CDC42BPG: variants seen among roughly 807,000 people sequenced by gnomAD.
CDC42BPG encodes serine/threonine-protein kinase MRCK gamma.
Under a neutral mutation model 192.2 loss-of-function variants are expected in CDC42BPG, and 157 were observed. That is an observed-to-expected ratio of 0.82 (90% confidence interval 0.72 to 0.93). The LOEUF (loss-of-function observed/expected upper bound fraction) is 0.93, where lower values mean the gene tolerates loss of function less well. Among genes scored for constraint, CDC42BPG ranks in the 40% least tolerant of loss-of-function variants. The pLI is 0.00. For synonymous variants in CDC42BPG, 981 were observed against 918.5 expected (o/e 1.07, Z -1.23); for missense variants, 1,992 against 2,122.1 (o/e 0.94, Z 1.20).
intron 30 of CDC42BPG, among the ~76,000 whole-genome samples, chr11:64,828,156 C>T (rs544971267): frequency 1.3e-5 from 2 of 152,226 alleles, no homozygotes; most frequent in East Asian, 3.9e-4. Flanking sequence ...GGGTGATATG[C>T]GGCACCCAAC....
Position 64,837,027 on chromosome 11 carries a change from G to T in CDC42BPG, c.1206-8C>A. The T allele has an allele frequency of 2.5e-6, 4 of 1,608,960 alleles. No individual in the cohort carries two copies. The highest frequency in any genetic ancestry group is 3.4e-6 in the Non-Finnish European group (4 of 1,175,828). On this transcript the variant is annotated splice_region_variant and splice_polypyrimidine_tract_variant and intron_variant, in intron 9 of 36. Coordinates refer to ENST00000342711, the MANE Select transcript of CDC42BPG (RefSeq NM_017525.3). ...CTGCTCTCAGGACTGTGACTGTAGG[G>T]GGACAGGGGCCATGTTTGTTGGTAG...
In CDC42BPG at chr11:64,826,533, G is replaced by A. The variant is rs760002344; in HGVS notation, c.4536C>T (p.Ser1512=). ...GGCAGGACACAGACTCGCTGGACAGGGATGTCCAGGGTTTCCTCTTCACTG... is the reference window on the plus strand; with the variant it reads ...GGCAGGACACAGACTCGCTGGACAGAGATGTCCAGGGTTTCCTCTTCACTG... ...ADPMKRKPWT[S]LSSESVSCPQ... is the part of the protein sequence containing the mutation. The change falls in exon 36 of 37, where the codon TCC becomes TCT. Residue 1512 remains serine, a synonymous_variant. Coordinates refer to ENST00000342711, the MANE Select transcript of CDC42BPG (RefSeq NM_017525.3). 3 of 1,602,950 alleles carry A rather than the reference G, an allele frequency of 1.9e-6. No homozygotes were observed. The highest frequency in any genetic ancestry group is 2.3e-5 in the South Asian group (2 of 88,762).
Position 64,840,358 on chromosome 11 carries a change from G to C in CDC42BPG, c.433-90C>G, listed in dbSNP as rs868167009. 8.6e-6 allele frequency: 13 copies of C among 1,519,068 alleles called. No homozygotes were observed. In the Middle Eastern group the frequency reaches 5.1e-4, roughly 60 times the overall value. The allele number at this position is 1,519,068 out of a possible 1,614,324, so 94.1% of individuals were successfully genotyped here. ...CGCAGGGCTCTGGGAAGGCAGGCCTGCATCTCCCAGCAGCTCTGGGCTGGC... is the reference window on the plus strand; with the variant it reads ...CGCAGGGCTCTGGGAAGGCAGGCCTCCATCTCCCAGCAGCTCTGGGCTGGC... On this transcript the variant is annotated intron_variant, in intron 4 of 36. Transcript: ENST00000342711.
At position 64,836,942 on chromosome 11, in the gene CDC42BPG, T is replaced by TCCAC; in HGVS notation, c.1279_1282dup (p.Glu428GlyfsTer54). On this transcript the variant is annotated frameshift_variant, in exon 10 of 37. Coordinates refer to ENST00000342711, the MANE Select transcript of CDC42BPG (RefSeq NM_017525.3). LOFTEE classifies it high-confidence loss of function. ...AGTACCTTGGTGCTTCCTGCTCAGC[T>TCCAC]CCACCTTCTCCTGCTCCAGACACTG... 1.2e-6 allele frequency: 2 copies of TCCAC among 1,613,310 alleles called. No individual in the cohort carries two copies. Among genetic ancestry groups the TCCAC allele is most frequent in the Non-Finnish European group, 1.7e-6 (2 of 1,179,840 alleles).
chr11:64,827,712 A>T lies in CDC42BPG; in HGVS notation c.4039T>A (p.Trp1347Arg), dbSNP rs1044409492. 2.5e-6 allele frequency: 4 copies of T among 1,613,230 alleles called. No homozygotes were observed. The African/African-American group carries it at 5.3e-5, about 22-fold the overall frequency. Residue 1347 changes from tryptophan to arginine, a missense_variant, in exon 31 of 37, where the codon TGG becomes AGG. Transcript: ENST00000342711. ...IDVFDVRRAE[W>R]VQTVPLKKVR... ...TTCTTGAGCGGCACGGTCTGCACCC[A>T]TTCTGCCCTCCTCACGTCAAACACA... is the stretch of plus-strand genomic sequence containing the variant.
intron 28 of CDC42BPG, among the ~76,000 whole-genome samples, chr11:64,831,016 G>T (rs993798786): frequency 6.6e-6 from 1 of 152,122 alleles, no homozygotes; most frequent in South Asian, 2.1e-4. Flanking sequence ...TCAGGAGTTC[G>T]AGACCAGCCT....
rs1200441682 is a variant in CDC42BPG, at chr11:64,838,891, C to A, written c.888G>T (p.Gln296His). The A allele has an allele frequency of 6.2e-7, 1 of 1,601,616 alleles. No individual in the cohort carries two copies. The highest frequency in any genetic ancestry group is 8.5e-7 in the Non-Finnish European group (1 of 1,174,636). Residue 296 changes from glutamine to histidine, a missense_variant, in exon 8 of 37, where the codon CAG becomes CAT. Gln to His is a conservative substitution (Grantham distance 24). Coordinates refer to ENST00000342711, the MANE Select transcript of CDC42BPG (RefSeq NM_017525.3). The part of the protein sequence containing the change: ...GKIMNHEDHL[Q>H]FPPDVPDVPA... ...GCACGTCAGGCACGTCCGGGGGGAA[C>A]TGCAGGTGGTCCTGTGGGTCGGGGG...
At chr11:64,826,417 G>A (rs893980121) in intron 36 of CDC42BPG, 53 bp downstream of exon 36, 12 of 1,295,986 alleles carry the variant, frequency 9.3e-6, no homozygotes, top group African/African-American at 1.5e-5. Flanking sequence ...AGCATAAAAC[G>A]GAACTGCCTG....
Position 64,829,728 on chromosome 11 carries a change from C to T in CDC42BPG, c.3710G>A (p.Arg1237Gln), listed in dbSNP as rs780373266. Residue 1237 changes from arginine to glutamine, a missense_variant, in exon 30 of 37, where the codon CGG becomes CAG. By Grantham distance (43) the Arg-to-Gln change is conservative (BLOSUM62 1). This residue lies in a region of CDC42BPG where 1,656 missense variants were observed against 1,844.3 expected (regional missense o/e 0.90). Transcript: ENST00000342711. Reference protein sequence around the residue: ...TVQSLGLLGDRLCVGAAGGFA... With the variant: ...TVQSLGLLGDQLCVGAAGGFA... ...GCCACCGGCGGCGCCCACACATAGC[C>T]GGTCGCCCAGCAGCCCCAGGCTCTG... The T allele has an allele frequency of 1.1e-5, 17 of 1,609,186 alleles. No homozygotes were observed. Among genetic ancestry groups the T allele is most frequent in the African/African-American group, 1.3e-5 (1 of 74,872 alleles).
In CDC42BPG at chr11:64,841,916, CAG is replaced by C; in HGVS notation, c.161-14_161-13del. 1.3e-6 allele frequency: 2 copies of C among 1,580,828 alleles called. No homozygotes were observed. The highest frequency in any genetic ancestry group is 1.7e-6 in the Non-Finnish European group (2 of 1,161,440). On this transcript the variant is annotated splice_polypyrimidine_tract_variant and intron_variant, in intron 1 of 36. Coordinates refer to ENST00000342711, the MANE Select transcript of CDC42BPG (RefSeq NM_017525.3). ...TACGAAGGGGCTGGCTGAGGGGACA[CAG>C]GGCGGGACTCAGAGTGCAGGGAGGG...
chr11:64,828,692 T>C (rs1469961783), intron 30 of CDC42BPG, among the ~76,000 whole-genome samples: 1 of 151,228 alleles, frequency 6.6e-6, no homozygotes, highest in African/African-American at 2.4e-5. Context: ...CGCGGGAGGA[T>C]TGCTTGAGTT....
At chr11:64,844,261 G>C in intron 1 of CDC42BPG, 149 bp downstream of exon 1, 1 of 687,174 alleles carries the variant, frequency 1.5e-6, no homozygotes, top group Non-Finnish European at 2.1e-6. Context: ...CGGGCCGCGG[G>C]GGTCCGGTGG....
In CDC42BPG at chr11:64,840,279, C is replaced by A. The variant is rs1332090725; in HGVS notation, c.433-11G>T. 1.2e-6 allele frequency: 2 copies of A among 1,607,684 alleles called. No individual in the cohort carries two copies. Among genetic ancestry groups the A allele is most frequent in the South Asian group, 1.1e-5 (1 of 91,056 alleles). Reference sequence around the variant, plus strand: ...GTCCATCACAAGGTACTGGAGGTGGCGGACAAGAATCAGACCCGGGGGAAG... The same window carrying A: ...GTCCATCACAAGGTACTGGAGGTGGAGGACAAGAATCAGACCCGGGGGAAG... On this transcript the variant is annotated splice_polypyrimidine_tract_variant and intron_variant, in intron 4 of 36. Transcript: ENST00000342711.
intron 28 of CDC42BPG, 62 bp from the exon 29 acceptor site, chr11:64,830,318 C>T (rs1942627563): frequency 7.4e-7 from 1 of 1,357,216 alleles, no homozygotes; most frequent in African/African-American, 1.4e-5. Context: ...GGAGATTGGG[C>T]AGTCCACCTG....
Position 64,823,914 on chromosome 11 carries a change from T to C in CDC42BPG, c.*559A>G, listed in dbSNP as rs3825015. 0.21 allele frequency: 32,921 copies of C among 158,372 alleles called. 4,320 individuals carry two copies. Among genetic ancestry groups the C allele is most frequent in the East Asian group, 0.52 (2,689 of 5,194 alleles). The allele number at this position is 158,372 out of a possible 1,614,324, so 9.8% of individuals were successfully genotyped here. A position where few individuals can be genotyped will look rare whatever the true frequency, so the allele number is the denominator to read the frequency against. ...GGCTTCTACCTCCTTCCAATTCCTATCACCTCCTCCTCCACTTCCTTCCTC... is the reference window on the plus strand; with the variant it reads ...GGCTTCTACCTCCTTCCAATTCCTACCACCTCCTCCTCCACTTCCTTCCTC... On this transcript the variant is annotated 3_prime_UTR_variant, in exon 37 of 37. Transcript: ENST00000342711.
chr11:64,837,082 C>T, intron 9 of CDC42BPG, 63 bp from the exon 10 acceptor site: 1 of 1,312,212 alleles, frequency 7.6e-7, no homozygotes, highest in Non-Finnish European at 1.1e-6. Context: ...CTCCTCCATC[C>T]TCCTGGACCG....
intron 24 of CDC42BPG, 120 bp from the exon 25 acceptor site, chr11:64,833,079 A>G: frequency 7.5e-7 from 1 of 1,332,000 alleles, no homozygotes; most frequent in Non-Finnish European, 1.0e-6. Flanking sequence ...AACTGTCCCC[A>G]ATTCCTCATC....
Position 64,827,324 on chromosome 11 carries a change from G to A in CDC42BPG, c.4225C>T (p.Arg1409Cys), listed in dbSNP as rs374383801. ...TCCTCCGACACGCGGAAAAAGAAGCGGCGCTTGCTCTTGGTGCGGAACAGC... is the reference window on the plus strand; with the variant it reads ...TCCTCCGACACGCGGAAAAAGAAGCAGCGCTTGCTCTTGGTGCGGAACAGC... ...RQLFRTKSKR[R>C]FFFRVSEEQQ... Residue 1409 changes from arginine (R) to cysteine (C), a missense_variant, in exon 33 of 37, where the codon CGC becomes TGC. Arg to Cys is a radical substitution (Grantham distance 180, BLOSUM62 -3). This residue lies in a region of CDC42BPG where 336 missense variants were observed against 277.9 expected (regional missense o/e 1.21). Transcript: ENST00000342711. 6.2e-6 allele frequency: 10 copies of A among 1,613,942 alleles called. No individual in the cohort carries two copies. The highest frequency in any genetic ancestry group is 2.7e-5 in the African/African-American group (2 of 74,926).
Position 64,823,762 on chromosome 11 carries a change from C to G in CDC42BPG, c.*711G>C, listed in dbSNP as rs1197176217. On this transcript the variant is annotated 3_prime_UTR_variant, in exon 37 of 37. Coordinates refer to ENST00000342711, the MANE Select transcript of CDC42BPG (RefSeq NM_017525.3). Reference sequence around the variant, plus strand: ...GATTGGCTGACAGTGTCAGCCCCGCCCACTGCACCCCTCCCCAGAGAAAGG... The same window carrying G: ...GATTGGCTGACAGTGTCAGCCCCGCGCACTGCACCCCTCCCCAGAGAAAGG... The G allele has an allele frequency of 6.5e-6, 1 of 153,116 alleles. No individual in the cohort carries two copies. Among genetic ancestry groups the G allele is most frequent in the African/African-American group, 2.4e-5 (1 of 41,408 alleles). 9.5% of individuals were successfully genotyped at this position (153,116 alleles called of 1,614,324 possible).
Sources: allele counts gnomAD v4.1 joint callset (sites outside exome capture counted in the v4.1 genomes callset), GRCh38; gene constraint gnomAD v4.1.1; regional missense constraint gnomAD v4.1.1; transcripts MANE v1.5; gene names NCBI Gene and HGNC (gene_info 2026-07-23, HGNC 2026-07-21).